The following CRACR2A variants were observed in gnomAD, a reference collection of about 807,000 sequenced individuals.
CRACR2A encodes the protein calcium release activated channel regulator 2A, also known as EF-hand calcium-binding domain-containing protein 4B.
In CRACR2A, 79 loss-of-function variants were observed where a neutral mutation model predicts 90.5. The ratio of observed to expected loss-of-function variants is 0.87; its 90% CI spans 0.73 to 1.05. CRACR2A has a LOEUF of 1.05. Among genes scored for constraint, CRACR2A ranks in the 50% least tolerant of loss-of-function variants. The pLI, the probability that CRACR2A is intolerant of heterozygous loss-of-function variation, is 0.00. For synonymous variants in CRACR2A, 338 were observed against 356.7 expected (o/e 0.95, Z 0.59); for missense variants, 823 against 897.2 (o/e 0.92, Z 1.06).
intron 3 of CRACR2A, among the ~76,000 whole-genome samples, chr12:3,703,316 A>C (rs1945863115): frequency 6.6e-6 from 1 of 152,176 alleles, no homozygotes; most frequent in African/African-American, 2.4e-5. Flanking sequence ...TGATCTCCTG[A>C]CTTCATGATC....
intron 6 of CRACR2A, among the ~76,000 whole-genome samples, chr12:3,677,151 G>A (rs1295426389): frequency 6.6e-6 from 1 of 151,994 alleles, no homozygotes; most frequent in Non-Finnish European, 1.5e-5. Context: ...AGGCTAGAAA[G>A]GATTCTGGGA....
At chr12:3,666,348 TGTGTGTGC>T (rs1283517069) in intron 7 of CRACR2A, among the ~76,000 whole-genome samples, 3 of 138,620 alleles carry the variant, frequency 2.2e-5, no homozygotes, top group African/African-American at 8.4e-5. Context: ...TGTGTGTGTG[TGTGTGTGC>T]GTGCGTGTGC....
intron 3 of CRACR2A, among the ~76,000 whole-genome samples, chr12:3,706,623 C>T (rs553085577): frequency 2.6e-4 from 39 of 152,280 alleles, no homozygotes; most frequent in East Asian, 1.5e-3. Flanking sequence ...TATTTAGAGA[C>T]GGAGTCTCAC....
At chr12:3,736,706 G>A (rs953108935) in intron 1 of CRACR2A, among the ~76,000 whole-genome samples, 2 of 152,320 alleles carry the variant, frequency 1.3e-5, no homozygotes, top group Middle Eastern at 6.8e-3. Flanking sequence ...CTCAGAAGCA[G>A]TGCTTAGAGA....
At chr12:3,734,218 C>T (rs1946410601) in intron 1 of CRACR2A, among the ~76,000 whole-genome samples, 1 of 151,922 alleles carries the variant, frequency 6.6e-6, no homozygotes, top group Non-Finnish European at 1.5e-5. Flanking sequence ...ACCTCGTGAT[C>T]TGCCCGCCTC....
chr12:3,743,679 C>A (rs925378738), intron 1 of CRACR2A, among the ~76,000 whole-genome samples: 2 of 152,200 alleles, frequency 1.3e-5, no homozygotes, highest in African/African-American at 4.8e-5. Context: ...AAATGCCTGG[C>A]ACATGGCAGG....
At position 3,633,959 on chromosome 12, in the gene CRACR2A, C is replaced by A. The variant is rs1330404253; in HGVS notation, c.1603-223G>T. ...CATCCGCAGGAGGAAGGAGAAACAG[C>A]CACCCAAGCGACATTTGCTGTCTGC... On this transcript the variant is annotated intron_variant, in intron 14 of 19. Transcript: ENST00000440314. The surrounding 1 kb of genome is among the most constrained non-coding windows in gnomAD (Gnocchi z 4.5). Among the ~76,000 whole-genome samples the A allele has an allele frequency of 6.6e-6, 1 of 152,166 alleles. No homozygotes were observed. Among genetic ancestry groups the A allele is most frequent in the Non-Finnish European group, 1.5e-5 (1 of 68,032 alleles).
At chr12:3,734,771 G>A (rs1228105075) in intron 1 of CRACR2A, among the ~76,000 whole-genome samples, 1 of 152,144 alleles carries the variant, frequency 6.6e-6, no homozygotes, top group African/African-American at 2.4e-5. Flanking sequence ...GCCAGACAGA[G>A]AAAGGCAAAT....
At chr12:3,650,516 G>T (rs1280458595) in intron 10 of CRACR2A, among the ~76,000 whole-genome samples, 1 of 152,068 alleles carries the variant, frequency 6.6e-6, no homozygotes, top group Middle Eastern at 3.2e-3. Context: ...TATCCAAACT[G>T]GGTCTCTAAA....
chr12:3,705,938 G>T (rs1488880496), intron 3 of CRACR2A, among the ~76,000 whole-genome samples: 1 of 152,082 alleles, frequency 6.6e-6, no homozygotes, highest in Non-Finnish European at 1.5e-5. Context: ...TTCCCACTGT[G>T]ACCAATTTCA....
intron 4 of CRACR2A, among the ~76,000 whole-genome samples, chr12:3,683,306 C>T (rs908769785): frequency 6.6e-6 from 1 of 152,186 alleles, no homozygotes; most frequent in Non-Finnish European, 1.5e-5. Context: ...CCACACCTAC[C>T]CACCTACCAG....
chr12:3,717,310 C>T (rs1946096877), intron 2 of CRACR2A, among the ~76,000 whole-genome samples: 1 of 152,166 alleles, frequency 6.6e-6, no homozygotes, highest in African/African-American at 2.4e-5. Context: ...GTCTCTCTAA[C>T]AATGCTCTGA....
intron 6 of CRACR2A, among the ~76,000 whole-genome samples, chr12:3,676,624 G>C (rs1945340581): frequency 6.6e-6 from 1 of 152,228 alleles, no homozygotes; most frequent in African/African-American, 2.4e-5. Context: ...ACAACTGTCT[G>C]TGAATGAGGG....
chr12:3,727,052 G>A (rs1328975153), intron 2 of CRACR2A: 6 of 151,642 alleles, frequency 4.0e-5, no homozygotes, highest in Non-Finnish European at 7.4e-5. Context: ...CTACTCGGGA[G>A]GCTAAGGTGG....
At chr12:3,653,090 C>T (rs1944824078) in intron 10 of CRACR2A, among the ~76,000 whole-genome samples, 1 of 152,114 alleles carries the variant, frequency 6.6e-6, no homozygotes. Context: ...TCAAGCCATT[C>T]TCCTGCCTCA....
intron 2 of CRACR2A, among the ~76,000 whole-genome samples, chr12:3,716,946 T>C (rs536247249): frequency 6.6e-6 from 1 of 152,306 alleles, no homozygotes; most frequent in East Asian, 1.9e-4. Context: ...AATATGCATT[T>C]TCCATGAACT....
At position 3,654,322 on chromosome 12, in the gene CRACR2A, G is replaced by A. The variant is rs913664948; in HGVS notation, c.936C>T (p.Asn312=). Residue 312 remains asparagine, a synonymous_variant, in exon 10 of 20, where the codon AAC becomes AAT. Transcript: ENST00000440314. ...KAENTKLKLT[N]QELARELERT... ...GCTCCAGCTCCCGGGCCAGCTCCTG[G>A]TTAGTGAGTTTCAGCTTGGTATTCT... 1.2e-6 allele frequency: 2 copies of A among 1,613,964 alleles called. No individual in the cohort carries two copies. Among genetic ancestry groups the A allele is most frequent in the African/African-American group, 2.7e-5 (2 of 74,916 alleles).
chr12:3,664,181 G>A (rs1166167324), intron 7 of CRACR2A, among the ~76,000 whole-genome samples: 1 of 152,118 alleles, frequency 6.6e-6, no homozygotes. Flanking sequence ...CAAACTATTG[G>A]TTTCTAGTTT....
At chr12:3,644,820 T>G (rs1944656349) in intron 11 of CRACR2A, among the ~76,000 whole-genome samples, 180 bp from the exon 12 acceptor site, 1 of 152,154 alleles carries the variant, frequency 6.6e-6, no homozygotes, top group African/African-American at 2.4e-5. Flanking sequence ...TGTGTACAGA[T>G]AGGTACACAC....
Sources: allele counts gnomAD v4.1 joint callset (sites outside exome capture counted in the v4.1 genomes callset), GRCh38; gene constraint gnomAD v4.1.1; non-coding constraint Gnocchi (gnomAD v3.1); transcripts MANE v1.5; gene names NCBI Gene and HGNC (gene_info 2026-07-23, HGNC 2026-07-21).